ROBO1: variants seen among roughly 807,000 people sequenced by gnomAD.
The protein encoded by ROBO1 is roundabout guidance receptor 1.
Under a neutral mutation model 195.9 loss-of-function variants are expected in ROBO1, and 149 were observed. The observed-to-expected ratio is 0.76, with a 90% CI of 0.67 to 0.87. The LOEUF (loss-of-function observed/expected upper bound fraction) is 0.87, where lower values mean the gene tolerates loss of function less well. Ranked by LOEUF, ROBO1 falls within the 40% of genes least tolerant of loss-of-function variation. The pLI, the probability that ROBO1 is intolerant of heterozygous loss-of-function variation, is 0.00. For synonymous variants in ROBO1, 816 were observed against 733.2 expected, an observed-to-expected ratio of 1.11 and a Z score of -1.82; for missense variants, 1,933 against 2,068.3, an observed-to-expected ratio of 0.93 and a Z score of 1.27.
At chr3:78,729,069 G>C (rs2082228983) in intron 5 of ROBO1, among the ~76,000 whole-genome samples, 1 of 152,196 alleles carries the variant, frequency 6.6e-6, no homozygotes, top group Admixed American at 6.5e-5. Context: ...GAGAACACAG[G>C]CCTGGGAGAG....
At chr3:78,616,518 G>A (rs540103640) in intron 27 of ROBO1, among the ~76,000 whole-genome samples, 131 of 152,164 alleles carry the variant, frequency 8.6e-4, no homozygotes, top group African/African-American at 3.1e-3. Flanking sequence ...ACTTTATAAT[G>A]TAATTTACAT....
chr3:78,685,699 C>T, intron 10 of ROBO1, 47 bp downstream of exon 10: 1 of 1,417,264 alleles, frequency 7.1e-7, no homozygotes, highest in Non-Finnish European at 9.6e-7. Context: ...CTCTCTGGAT[C>T]CTAAGTCAAA....
chr3:78,620,245 G>A (rs1206690042), intron 26 of ROBO1, among the ~76,000 whole-genome samples: 1 of 152,020 alleles, frequency 6.6e-6, no homozygotes, highest in East Asian at 1.9e-4. Flanking sequence ...TTCAAGCTGG[G>A]CTTGGTGGTG....
intron 3 of ROBO1, among the ~76,000 whole-genome samples, chr3:79,110,462 C>T (rs867899969): frequency 6.6e-6 from 1 of 151,778 alleles, no homozygotes; most frequent in Non-Finnish European, 1.5e-5. Flanking sequence ...ATTTTGTAAA[C>T]ACCCAATTGA....
At chr3:79,085,968 CTGTT>C (rs999191726) in intron 3 of ROBO1, among the ~76,000 whole-genome samples, 7 of 152,092 alleles carry the variant, frequency 4.6e-5, no homozygotes, top group Non-Finnish European at 8.8e-5. Flanking sequence ...AATAACTTCT[CTGTT>C]TGTTAATGTA....
intron 2 of ROBO1, among the ~76,000 whole-genome samples, chr3:79,126,184 A>C (rs2108574122): frequency 6.6e-6 from 1 of 152,308 alleles, no homozygotes; most frequent in Non-Finnish European, 1.5e-5. Flanking sequence ...GCATGACTGA[A>C]ACACATCTAA....
At position 78,755,436 on chromosome 3, in the gene ROBO1, T is replaced by G. The variant is rs1028214497; in HGVS notation, c.500-8536A>C. Among the ~76,000 whole-genome samples, 7 of 152,264 alleles carry G rather than the reference T, an allele frequency of 4.6e-5. No individual in the cohort carries two copies. The East Asian group carries it at 1.4e-3, about 29-fold the overall frequency. On this transcript the variant is annotated intron_variant, in intron 4 of 30. Coordinates refer to ENST00000464233, the MANE Select transcript of ROBO1 (RefSeq NM_002941.4). ...CCACTTTGAGACATGATTGCACTAC[T>G]GCATTCCAGCCTGAGCAACAGAGCC...
chr3:78,923,457 G>A (rs1408632748), intron 4 of ROBO1, among the ~76,000 whole-genome samples: 2 of 152,130 alleles, frequency 1.3e-5, no homozygotes, highest in African/African-American at 4.8e-5. Flanking sequence ...ACTGTCCATA[G>A]AATTGTAGAT....
At chr3:79,641,738 CTAG>C (rs1260896873) in intron 1 of ROBO1, among the ~76,000 whole-genome samples, 1 of 152,048 alleles carries the variant, frequency 6.6e-6, no homozygotes, top group African/African-American at 2.4e-5. Flanking sequence ...GAGATTGAGG[CTAG>C]GTGTGGTGGT....
rs571897987 is a variant in ROBO1, at chr3:79,349,778, C to T, written c.89-224239G>A. Among the ~76,000 whole-genome samples, 29 of 152,252 alleles carry T rather than the reference C, an allele frequency of 1.9e-4. No individual in the cohort carries two copies. The East Asian group carries it at 5.0e-3, about 26-fold the overall frequency. ...GATATCCACATGCAAAAACTGGGCTCTTGTTTCACACCGTGTACAAAAATT... is the reference window on the plus strand; with the variant it reads ...GATATCCACATGCAAAAACTGGGCTTTTGTTTCACACCGTGTACAAAAATT... On this transcript the variant is annotated intron_variant, in intron 2 of 30. Transcript: ENST00000464233.
At chr3:79,257,729 G>T (rs1001229845) in intron 2 of ROBO1, among the ~76,000 whole-genome samples, 14 of 152,104 alleles carry the variant, frequency 9.2e-5, no homozygotes, top group African/African-American at 3.4e-4. Flanking sequence ...AGGTCATGTG[G>T]CAAGGCAGTA....
At chr3:79,619,119 C>G (rs12491579) in intron 1 of ROBO1, among the ~76,000 whole-genome samples, 32 of 5,438 alleles carry the variant, frequency 5.9e-3, no homozygotes, top group African/African-American at 0.026. Flanking sequence ...CACCTGCCCT[C>G]ATCATTCACC....
At chr3:79,575,960 T>A (rs890121204) in intron 2 of ROBO1, among the ~76,000 whole-genome samples, 1 of 151,954 alleles carries the variant, frequency 6.6e-6, no homozygotes, top group African/African-American at 2.4e-5. Context: ...CAAGGCAAAT[T>A]CCTACATATT....
In ROBO1 at chr3:79,649,959, C is replaced by T. The variant is rs557690821; in HGVS notation, c.-50-59998G>A. Among the ~76,000 whole-genome samples the T allele has an allele frequency of 2.4e-3, 360 of 151,916 alleles. 2 individuals are homozygous for T. Among genetic ancestry groups the T allele is most frequent in the African/African-American group, 8.2e-3 (341 of 41,420 alleles). On this transcript the variant is annotated intron_variant, in intron 1 of 30. Coordinates refer to ENST00000464233, the MANE Select transcript of ROBO1 (RefSeq NM_002941.4). ...GTTTAAAGGGAAATTTAGAATTTTA[C>T]AAGGTTTTATGTGAAAAAAAATAGA... is the stretch of plus-strand genomic sequence containing the variant.
At chr3:79,493,036 TAAG>T (rs955161415) in intron 2 of ROBO1, among the ~76,000 whole-genome samples, 1 of 151,918 alleles carries the variant, frequency 6.6e-6, no homozygotes, top group Non-Finnish European at 1.5e-5. Context: ...ATATAAATAA[TAAG>T]AAGCAAAAAT....
chr3:79,298,429 C>T (rs1359440590), intron 2 of ROBO1, among the ~76,000 whole-genome samples: 1 of 152,072 alleles, frequency 6.6e-6, no homozygotes, highest in African/African-American at 2.4e-5. Flanking sequence ...CCTCAGGAGG[C>T]AGGGTTTAAG....
chr3:79,634,860 C>T (rs184211679), intron 1 of ROBO1, among the ~76,000 whole-genome samples: 8 of 152,130 alleles, frequency 5.3e-5, no homozygotes, highest in Admixed American at 2.6e-4. Flanking sequence ...TTCTGATAAG[C>T]GAATAGGAAC....
chr3:79,184,899 A>G (rs1309240702), intron 2 of ROBO1, among the ~76,000 whole-genome samples: 1 of 152,170 alleles, frequency 6.6e-6, no homozygotes, highest in Non-Finnish European at 1.5e-5. Context: ...CAGCTTACCC[A>G]GAACAAAAGT....
At chr3:78,695,055 C>T (rs944155961) in intron 8 of ROBO1, among the ~76,000 whole-genome samples, 10 of 138,748 alleles carry the variant, frequency 7.2e-5, no homozygotes, top group South Asian at 2.2e-4. Flanking sequence ...TTTTACTAGC[C>T]GTCAACCCAT....
Sources: allele counts gnomAD v4.1 joint callset (sites outside exome capture counted in the v4.1 genomes callset), GRCh38; gene constraint gnomAD v4.1.1; transcripts MANE v1.5; gene names NCBI Gene and HGNC (gene_info 2026-07-23, HGNC 2026-07-21).